The following SAMD3 variants were observed in gnomAD, a reference collection of about 807,000 sequenced individuals.
SAMD3 encodes sterile alpha motif domain-containing protein 3.
In SAMD3, 63 loss-of-function variants were observed where a neutral mutation model predicts 58.5. That is an observed-to-expected ratio of 1.08 (90% CI 0.88 to 1.33). The LOEUF (loss-of-function observed/expected upper bound fraction) is 1.33, where lower values mean the gene tolerates loss of function less well. Among genes scored for constraint, SAMD3 ranks in the 40% most tolerant of loss-of-function variants. The pLI, the probability that SAMD3 is intolerant of heterozygous loss-of-function variation, is 0.00. For missense variants in SAMD3, 604 were observed against 608.4 expected (o/e 0.99, Z 0.08); for synonymous variants, 220 against 210.3 (o/e 1.05, Z -0.40).
intron 2 of SAMD3, among the ~76,000 whole-genome samples, chr6:130,237,362 T>A (rs1324481421): frequency 6.6e-6 from 1 of 152,220 alleles, no homozygotes; most frequent in Admixed American, 6.5e-5. Flanking sequence ...TATAATTCTT[T>A]CCTAGCTAGT....
intron 2 of SAMD3, among the ~76,000 whole-genome samples, chr6:130,255,979 G>A (rs540400860): frequency 6.6e-6 from 1 of 151,522 alleles, no homozygotes; most frequent in Middle Eastern, 3.4e-3. Context: ...TTGTTTTCTG[G>A]TTGTTTTGTA....
intron 2 of SAMD3, among the ~76,000 whole-genome samples, chr6:130,269,212 G>T (rs1363287512): frequency 2.0e-5 from 3 of 152,118 alleles, no homozygotes; most frequent in African/African-American, 7.2e-5. Flanking sequence ...TGTCGCAAAG[G>T]CTTTCCTTTC....
intron 1 of SAMD3, among the ~76,000 whole-genome samples, chr6:130,331,687 C>T (rs1483484313): frequency 6.6e-6 from 1 of 152,134 alleles, no homozygotes; most frequent in Non-Finnish European, 1.5e-5. Context: ...CCATTGCACT[C>T]CAGTCTGGGC....
At chr6:130,218,262 C>G (rs188202327) in intron 1 of SAMD3, among the ~76,000 whole-genome samples, 17 of 152,294 alleles carry the variant, frequency 1.1e-4, no homozygotes, top group Admixed American at 2.0e-4. Context: ...AGATTGAATT[C>G]CAAGTTCCCA....
chr6:130,274,629 G>A lies in SAMD3; in HGVS notation c.-188+38349C>T, dbSNP rs77363949. 4.5e-3 allele frequency among the ~76,000 whole-genome samples: 629 copies of A among 138,704 alleles called. 5 individuals are homozygous for A. The highest frequency in any genetic ancestry group is 0.016 in the African/African-American group (584 of 36,938). The allele number at this position is 138,704 out of a possible 152,430, so 91.0% of individuals were successfully genotyped here. A position where few individuals can be genotyped will look rare whatever the true frequency, so the allele number is the denominator to read the frequency against. The stretch of plus-strand genomic sequence containing the variant: ...TGGCTTGGAGGAGGGGCTGACACAG[G>A]TAAAGTGAAACTGTTTCTCTTTCCC... On this transcript the variant is annotated intron_variant, in intron 2 of 13. Coordinates refer to the SAMD3 transcript ENST00000368134.
At chr6:130,317,004 C>T (rs7758457) in intron 1 of SAMD3, among the ~76,000 whole-genome samples, 73,300 of 151,816 alleles carry the variant, frequency 0.48, 21,604 homozygotes, top group African/African-American at 0.84. Context: ...ACAGAGCAGA[C>T]TGCACATCAG....
chr6:130,315,726 C>T (rs570624270), intron 1 of SAMD3, among the ~76,000 whole-genome samples: 40 of 152,036 alleles, frequency 2.6e-4, no homozygotes, highest in Non-Finnish European at 5.7e-4. Context: ...AACATTTAAA[C>T]ATTTTGCATA....
intron 2 of SAMD3, among the ~76,000 whole-genome samples, chr6:130,284,486 G>T (rs1775091376): frequency 6.6e-6 from 1 of 152,150 alleles, no homozygotes; most frequent in Non-Finnish European, 1.5e-5. Context: ...AAAAGAGAGA[G>T]AGAGGGAGAG....
Position 130,184,421 on chromosome 6 carries a change from G to C in SAMD3, c.569+17C>G. 7 of 1,610,208 alleles carry C rather than the reference G, an allele frequency of 4.3e-6. No individual in the cohort carries two copies. The highest frequency in any genetic ancestry group is 1.7e-5 in the Admixed American group (1 of 59,786). Reference sequence around the variant, plus strand: ...GACCCTTTCCCAAAGCAGCAAGCTTGTCCTGTTGTCACTCACAGTGAGCCT... The same window carrying C: ...GACCCTTTCCCAAAGCAGCAAGCTTCTCCTGTTGTCACTCACAGTGAGCCT... On this transcript the variant is annotated intron_variant, in intron 6 of 11. Transcript: ENST00000439090.
intron 2 of SAMD3, among the ~76,000 whole-genome samples, chr6:130,284,649 G>C (rs1330074156): frequency 6.6e-6 from 1 of 152,042 alleles, no homozygotes; most frequent in Admixed American, 6.6e-5. Flanking sequence ...TAAATATCAT[G>C]GCATAAAATG....
intron 2 of SAMD3, among the ~76,000 whole-genome samples, chr6:130,257,911 G>T (rs183613531): frequency 1.3e-3 from 191 of 152,054 alleles, no homozygotes; most frequent in African/African-American, 3.5e-3. Flanking sequence ...TCTTCTTAAG[G>T]CAAAAATGGA....
At position 130,172,287 on chromosome 6, in the gene SAMD3, G is replaced by A. The variant is rs141444597; in HGVS notation, c.822+3554C>T. On this transcript the variant is annotated intron_variant, in intron 8 of 11. Coordinates refer to ENST00000439090, the MANE Select transcript of SAMD3 (RefSeq NM_001017373.4). Reference sequence around the variant, plus strand: ...CTGGTTATTTTGCCCATTAGTTGATGCAGTTTATCGCGGCATTGGTCTTTA... The same window carrying A: ...CTGGTTATTTTGCCCATTAGTTGATACAGTTTATCGCGGCATTGGTCTTTA... Among the ~76,000 whole-genome samples, 722 of 152,230 alleles carry A rather than the reference G, an allele frequency of 4.7e-3. 6 individuals are homozygous for A. The highest frequency in any genetic ancestry group is 5.8e-3 in the Non-Finnish European group (393 of 68,014).
chr6:130,347,377 C>T (rs1178373552), intron 1 of SAMD3, among the ~76,000 whole-genome samples: 2 of 152,064 alleles, frequency 1.3e-5, no homozygotes, highest in Non-Finnish European at 2.9e-5. Context: ...CAGAGAAGTC[C>T]TTAAAGGACC....
At chr6:130,198,517 T>C (rs986678424) in intron 5 of SAMD3, among the ~76,000 whole-genome samples, 33 of 152,202 alleles carry the variant, frequency 2.2e-4, no homozygotes, top group African/African-American at 7.7e-4. Flanking sequence ...CCTAAATTTG[T>C]GTTTTCAGAC....
chr6:130,198,571 AAC>A (rs1349838662), intron 5 of SAMD3, among the ~76,000 whole-genome samples: 1 of 152,176 alleles, frequency 6.6e-6, no homozygotes, highest in African/African-American at 2.4e-5. Flanking sequence ...GTTGTGCTAA[AAC>A]AGCCCACTGA....
chr6:130,269,504 G>A (rs1354649847), intron 2 of SAMD3, among the ~76,000 whole-genome samples: 2 of 152,122 alleles, frequency 1.3e-5, no homozygotes, highest in African/African-American at 2.4e-5. Flanking sequence ...CGAACATAAA[G>A]TTGTTTGTAG....
At chr6:130,262,697 A>C (rs1774185465) in intron 2 of SAMD3, among the ~76,000 whole-genome samples, 1 of 152,214 alleles carries the variant, frequency 6.6e-6, no homozygotes, top group East Asian at 1.9e-4. Context: ...TGCAAGGTAT[A>C]TAAAGAAATT....
At chr6:130,238,068 G>A (rs1476049341) in intron 2 of SAMD3, among the ~76,000 whole-genome samples, 1 of 152,094 alleles carries the variant, frequency 6.6e-6, no homozygotes, top group African/African-American at 2.4e-5. Context: ...TAAAGATGCT[G>A]AATGTTCTCA....
At chr6:130,258,285 G>A (rs1280634418) in intron 2 of SAMD3, among the ~76,000 whole-genome samples, 1 of 151,950 alleles carries the variant, frequency 6.6e-6, no homozygotes, top group Non-Finnish European at 1.5e-5. Flanking sequence ...ATTTAAAGTT[G>A]GTTTCTTGTA....
Sources: allele counts gnomAD v4.1 joint callset (sites outside exome capture counted in the v4.1 genomes callset), GRCh38; gene constraint gnomAD v4.1.1; transcripts MANE v1.5; gene names NCBI Gene and HGNC (gene_info 2026-07-23, HGNC 2026-07-21).